GOLM1: variants seen among roughly 807,000 people sequenced by gnomAD.
The protein encoded by GOLM1 is golgi membrane protein 1, also known as epididymis luminal protein 46.
Under a neutral mutation model 50.5 loss-of-function variants are expected in GOLM1, and 31 were observed. That is an observed-to-expected ratio of 0.61 (90% CI 0.46 to 0.83). The LOEUF (loss-of-function observed/expected upper bound fraction) is 0.83, where lower values mean the gene tolerates loss of function less well. Ranked by LOEUF, GOLM1 falls within the 40% of genes least tolerant of loss-of-function variation. The pLI is 0.00. For synonymous variants in GOLM1, 178 were observed against 192.8 expected, an observed-to-expected ratio of 0.92 and a Z score of 0.64; for missense variants, 491 against 501.3, an observed-to-expected ratio of 0.98 and a Z score of 0.20.
chr9:86,031,182 C>T (rs1832968078), intron 9 of GOLM1, among the ~76,000 whole-genome samples: 1 of 151,834 alleles, frequency 6.6e-6, no homozygotes, highest in Admixed American at 6.6e-5. Flanking sequence ...TGCACTCCAG[C>T]CTGGGCAACA....
At chr9:86,059,135 C>A (rs1834078005) in intron 3 of GOLM1, among the ~76,000 whole-genome samples, 1 of 152,214 alleles carries the variant, frequency 6.6e-6, no homozygotes, top group Admixed American at 6.5e-5. Context: ...GAAAGTCTGT[C>A]AGTTTCTCAA....
At position 86,041,428 on chromosome 9, in the gene GOLM1, GTAA is replaced by G. The variant is rs141694539; in HGVS notation, c.468-563_468-561del. 5.2e-3 allele frequency among the ~76,000 whole-genome samples: 789 copies of G among 152,290 alleles called. 9 individuals are homozygous for G. The highest frequency in any genetic ancestry group is 0.033 in the South Asian group (159 of 4,824). ...TGAGTTCAACCCTGTGGCCGATGGT[GTAA>G]TCAATCATGCCTACATAAAACACTC... On this transcript the variant is annotated intron_variant, in intron 5 of 9. Coordinates refer to ENST00000388712, the MANE Select transcript of GOLM1 (RefSeq NM_016548.4).
At chr9:86,072,878 A>T (rs1033956756) in intron 3 of GOLM1, among the ~76,000 whole-genome samples, 8 of 152,188 alleles carry the variant, frequency 5.3e-5, no homozygotes, top group African/African-American at 1.9e-4. Flanking sequence ...GACTGTACTG[A>T]ATACTGCAGG....
chr9:86,031,453 T>TTG (rs1832978841), intron 9 of GOLM1, among the ~76,000 whole-genome samples: 2 of 140,280 alleles, frequency 1.4e-5, no homozygotes, highest in South Asian at 4.8e-4. Flanking sequence ...ACTGAGGTTT[T>TTG]TTTTTTTTTT....
rs1360798296 is a variant in GOLM1, at chr9:86,040,924, G to C, written c.468-56C>G. The stretch of plus-strand genomic sequence containing the variant: ...GACGTCTATGACTGTGTCTCTGCTG[G>C]ACGGTGACATCCACTTCCATAAGAG... On this transcript the variant is annotated intron_variant, in intron 5 of 9. Transcript: ENST00000388712. 4.5e-6 allele frequency: 7 copies of C among 1,553,562 alleles called. No individual in the cohort carries two copies. In the East Asian group the frequency reaches 1.3e-4, roughly 30 times the overall value.
intron 1 of GOLM1, among the ~76,000 whole-genome samples, chr9:86,085,453 G>GT (rs11397922): frequency 0.36 from 33,553 of 93,008 alleles, 6,021 homozygotes; most frequent in Non-Finnish European, 0.44. Flanking sequence ...CAAAGTTTTT[G>GT]TTTTTTTTTT....
At chr9:86,053,566 CA>C (rs2118742120) in intron 3 of GOLM1, among the ~76,000 whole-genome samples, 1 of 2,362 alleles carries the variant, frequency 4.2e-4, no homozygotes, top group Non-Finnish European at 1.3e-3. Flanking sequence ...TACACACACA[CA>C]CATCACACAC....
chr9:86,036,828 A>C (rs1246015872), intron 6 of GOLM1: 1 of 313,396 alleles, frequency 3.2e-6, no homozygotes, highest in East Asian at 7.1e-5. Flanking sequence ...GAACGACACA[A>C]TACTCCTTGA....
chr9:86,077,468 G>A lies in GOLM1; in HGVS notation c.253C>T (p.Gln85Ter). The change falls in exon 3 of 10, where the codon CAG (glutamine) becomes TAG (stop). Residue 85 changes from glutamine to a stop codon, truncating the protein, a stop_gained. Coordinates refer to ENST00000388712, the MANE Select transcript of GOLM1 (RefSeq NM_016548.4). LOFTEE classifies it high-confidence loss of function. ...TCCAGCTGGAAGTTGTGGCTGGACTGGATTTTGTCAAGCTGCTCCCGCTGC... is the reference window on the plus strand; with the variant it reads ...TCCAGCTGGAAGTTGTGGCTGGACTAGATTTTGTCAAGCTGCTCCCGCTGC... ...EKQREQLDKI[Q>*]SSHNFQLESV... 6.2e-7 allele frequency: 1 copy of A among 1,614,060 alleles called. No individual in the cohort carries two copies. Among genetic ancestry groups the A allele is most frequent in the Admixed American group, 1.7e-5 (1 of 60,026 alleles).
At chr9:86,065,997 G>A (rs569660233) in intron 3 of GOLM1, among the ~76,000 whole-genome samples, 1 of 152,224 alleles carries the variant, frequency 6.6e-6, no homozygotes, top group South Asian at 2.1e-4. Context: ...CCAAGATTAC[G>A]CCACTGTACT....
rs567754469 is a variant in GOLM1, at chr9:86,058,131, T to C, written c.310-5540A>G. On this transcript the variant is annotated intron_variant, in intron 3 of 9. Transcript: ENST00000388712. ...TGAAGGGAAGAATATCAAGTATTCATTGGAATCTTTTTACCTCTTAGCAAT... is the reference window on the plus strand; with the variant it reads ...TGAAGGGAAGAATATCAAGTATTCACTGGAATCTTTTTACCTCTTAGCAAT... Among the ~76,000 whole-genome samples the C allele has an allele frequency of 1.2e-4, 19 of 152,336 alleles. No individual in the cohort carries two copies. In the South Asian group the frequency reaches 2.9e-3, roughly 23 times the overall value.
At chr9:86,081,013 G>A (rs1314768917) in intron 1 of GOLM1, among the ~76,000 whole-genome samples, 1 of 152,054 alleles carries the variant, frequency 6.6e-6, no homozygotes, top group African/African-American at 2.4e-5. Context: ...AACCTCTCAA[G>A]TAGCTGGGAC....
intron 3 of GOLM1, among the ~76,000 whole-genome samples, chr9:86,058,713 T>A (rs11141206): frequency 0.37 from 42,701 of 114,994 alleles, 8,609 homozygotes; most frequent in East Asian, 0.62. Context: ...AAAAAAAAAA[T>A]AGCCAGGGCG....
At position 86,036,513 on chromosome 9, in the gene GOLM1, AC is replaced by A. The variant is rs1311089089; in HGVS notation, c.598-7del. The stretch of plus-strand genomic sequence containing the variant: ...GGCTCACTGAGGGCTTGGAGCTGAA[AC>A]AGAAGCACAGGACAGCCAGCCAGGG... On this transcript the variant is annotated splice_polypyrimidine_tract_variant and splice_region_variant and intron_variant, in intron 6 of 9. Coordinates refer to ENST00000388712, the MANE Select transcript of GOLM1 (RefSeq NM_016548.4). 3 of 1,613,508 alleles carry A rather than the reference AC, an allele frequency of 1.9e-6. No individual in the cohort carries two copies. The East Asian group carries it at 6.7e-5, about 36-fold the overall frequency.
At chr9:86,065,040 G>A (rs7866281) in intron 3 of GOLM1, among the ~76,000 whole-genome samples, 44,215 of 152,112 alleles carry the variant, frequency 0.29, 7,280 homozygotes, top group East Asian at 0.55. Flanking sequence ...CTCTGGGCCT[G>A]CACTGCAGCA....
At chr9:86,048,625 GTGA>G (rs1212845134) in intron 4 of GOLM1, among the ~76,000 whole-genome samples, 1 of 152,180 alleles carries the variant, frequency 6.6e-6, no homozygotes, top group African/African-American at 2.4e-5. Context: ...CTGATGACCA[GTGA>G]TGATGAGCAT....
chr9:86,031,441 C>T (rs1235324683), intron 9 of GOLM1, among the ~76,000 whole-genome samples: 1 of 149,356 alleles, frequency 6.7e-6, no homozygotes, highest in East Asian at 2.0e-4. Context: ...ACAAACAATA[C>T]CACTGAGGTT....
chr9:86,046,360 C>T (rs1833540429), intron 5 of GOLM1, 110 bp downstream of exon 5: 8 of 702,394 alleles, frequency 1.1e-5, no homozygotes, highest in East Asian at 5.4e-5. Context: ...CTCAGAGTCC[C>T]GCACGGAGCA....
chr9:86,092,858 A>G (rs2118904579), intron 1 of GOLM1, among the ~76,000 whole-genome samples: 1 of 152,336 alleles, frequency 6.6e-6, no homozygotes, highest in Non-Finnish European at 1.5e-5. Flanking sequence ...CTCCCACCTT[A>G]GAATTTATTT....
Sources: allele counts gnomAD v4.1 joint callset (sites outside exome capture counted in the v4.1 genomes callset), GRCh38; gene constraint gnomAD v4.1.1; transcripts MANE v1.5; gene names NCBI Gene and HGNC (gene_info 2026-07-23, HGNC 2026-07-21).